Variants in TBC1D5 observed in about 807,000 individuals in gnomAD.
TBC1D5 encodes TBC1 domain family, member 5.
A neutral mutation model predicts 100.3 loss-of-function variants in TBC1D5; 75 were observed. That is an observed-to-expected ratio of 0.75 (90% CI 0.62 to 0.91). The LOEUF (loss-of-function observed/expected upper bound fraction) is 0.91, where lower values mean the gene tolerates loss of function less well. Among genes scored for constraint, TBC1D5 ranks in the 40% least tolerant of loss-of-function variants. The pLI, the probability that TBC1D5 is intolerant of heterozygous loss-of-function variation, is 0.00. For synonymous variants in TBC1D5, 323 were observed against 325.6 expected (o/e 0.99, Z 0.09); for missense variants, 910 against 942.4 (o/e 0.97, Z 0.45).
At chr3:17,556,049 G>T (rs1406585931) in intron 2 of TBC1D5, among the ~76,000 whole-genome samples, 1 of 151,880 alleles carries the variant, frequency 6.6e-6, no homozygotes, top group Non-Finnish European at 1.5e-5. Context: ...TTGAGACAGG[G>T]TCTCGCTCTG....
intron 1 of TBC1D5, among the ~76,000 whole-genome samples, chr3:17,665,428 C>A (rs896589777): frequency 2.0e-5 from 3 of 152,190 alleles, no homozygotes; most frequent in Non-Finnish European, 4.4e-5. Flanking sequence ...TTGTTTGGTA[C>A]CACTTCCAGT....
At position 17,541,066 on chromosome 3, in the gene TBC1D5, T is replaced by A. The variant is rs956795963; in HGVS notation, c.-35-32461A>T. On this transcript the variant is annotated intron_variant, in intron 2 of 21. Transcript: ENST00000253692. ...CACTGTTTTGATTACTGTAGCTTTGTAGTAAGTTTTAAAATCAGAAAATGT... is the reference window on the plus strand; with the variant it reads ...CACTGTTTTGATTACTGTAGCTTTGAAGTAAGTTTTAAAATCAGAAAATGT... 2.0e-5 allele frequency among the ~76,000 whole-genome samples: 3 copies of A among 152,118 alleles called. No homozygotes were observed. In the South Asian group the frequency reaches 6.2e-4, roughly 32 times the overall value.
intron 1 of TBC1D5, among the ~76,000 whole-genome samples, chr3:17,711,475 C>A (rs181375318): frequency 6.6e-6 from 1 of 152,136 alleles, no homozygotes; most frequent in African/African-American, 2.4e-5. Flanking sequence ...CCCCCTCATA[C>A]ATAGATAATC....
chr3:17,544,867 T>C (rs763087794), intron 2 of TBC1D5, among the ~76,000 whole-genome samples: 7 of 152,156 alleles, frequency 4.6e-5, no homozygotes, highest in Non-Finnish European at 1.0e-4. Context: ...TATGTTTAGA[T>C]ACAGTAAACT....
At chr3:17,533,814 G>A (rs1437338736) in intron 2 of TBC1D5, among the ~76,000 whole-genome samples, 3 of 152,062 alleles carry the variant, frequency 2.0e-5, no homozygotes, top group Non-Finnish European at 2.9e-5. Flanking sequence ...AGACAAATCC[G>A]TAGCCCTAGG....
chr3:17,694,759 A>G (rs2071740748), intron 1 of TBC1D5, among the ~76,000 whole-genome samples: 1 of 152,078 alleles, frequency 6.6e-6, no homozygotes, highest in Non-Finnish European at 1.5e-5. Flanking sequence ...CCATAAAGAT[A>G]CTCCTCAAGA....
intron 13 of TBC1D5, among the ~76,000 whole-genome samples, chr3:17,352,250 G>A (rs920205676): frequency 6.6e-6 from 1 of 151,958 alleles, no homozygotes; most frequent in African/African-American, 2.4e-5. Flanking sequence ...TATTCTGACA[G>A]TTTCTAAGCT....
chr3:17,468,061 G>A (rs752050829), intron 3 of TBC1D5, among the ~76,000 whole-genome samples: 1 of 152,178 alleles, frequency 6.6e-6, no homozygotes. Context: ...ATAATGAAGT[G>A]TCAAAATGTA....
At chr3:17,351,343 A>G (rs981153124) in intron 13 of TBC1D5, among the ~76,000 whole-genome samples, 8 of 152,176 alleles carry the variant, frequency 5.3e-5, no homozygotes, top group Admixed American at 2.6e-4. Context: ...ATGCCCTTCA[A>G]TGTTAGACTG....
intron 2 of TBC1D5, among the ~76,000 whole-genome samples, chr3:17,558,486 T>A (rs2153466183): frequency 6.6e-6 from 1 of 152,148 alleles, no homozygotes; most frequent in East Asian, 1.9e-4. Flanking sequence ...GCCAAAAAAA[T>A]AATGAATTTC....
intron 3 of TBC1D5, among the ~76,000 whole-genome samples, chr3:17,490,172 T>C (rs2095620702): frequency 6.6e-6 from 1 of 152,228 alleles, no homozygotes; most frequent in African/African-American, 2.4e-5. Flanking sequence ...TTCATGTCCT[T>C]TCCCCACTGT....
At chr3:17,303,833 CTTTTTTTT>C (rs140988557) in intron 14 of TBC1D5, among the ~76,000 whole-genome samples, 49 of 84,516 alleles carry the variant, frequency 5.8e-4, no homozygotes, top group Non-Finnish European at 7.9e-4. Flanking sequence ...CAATCTACCT[CTTTTTTTT>C]TTTTTTTTTT....
chr3:17,268,034 T>C (rs1040312182), intron 15 of TBC1D5, among the ~76,000 whole-genome samples: 2 of 151,928 alleles, frequency 1.3e-5, no homozygotes, highest in Admixed American at 1.3e-4. Context: ...TAGATTTGAG[T>C]TGTATTTTCC....
At chr3:17,683,570 G>C (rs956201490) in intron 1 of TBC1D5, among the ~76,000 whole-genome samples, 2 of 152,118 alleles carry the variant, frequency 1.3e-5, no homozygotes, top group African/African-American at 2.4e-5. Flanking sequence ...GAAAATACCA[G>C]TACTCTCTAA....
chr3:17,455,257 T>C (rs570544061), intron 3 of TBC1D5, among the ~76,000 whole-genome samples: 1 of 147,056 alleles, frequency 6.8e-6, no homozygotes, highest in South Asian at 2.1e-4. Flanking sequence ...TGTATATATG[T>C]ATACATATAT....
At chr3:17,478,278 A>C (rs1331592773) in intron 3 of TBC1D5, among the ~76,000 whole-genome samples, 2 of 152,164 alleles carry the variant, frequency 1.3e-5, no homozygotes, top group Non-Finnish European at 2.9e-5. Flanking sequence ...TACATATCAT[A>C]AATGTTCATT....
chr3:17,256,103 T>C (rs942703756), intron 16 of TBC1D5, among the ~76,000 whole-genome samples: 2 of 152,156 alleles, frequency 1.3e-5, no homozygotes, highest in Non-Finnish European at 2.9e-5. Context: ...ATTGGTCAGA[T>C]TATTGGTCAG....
At chr3:17,475,179 G>C (rs7615612) in intron 3 of TBC1D5, among the ~76,000 whole-genome samples, 62,240 of 139,344 alleles carry the variant, frequency 0.45, 13,581 homozygotes, top group African/African-American at 0.57. Context: ...ACCTTGCCCC[G>C]CCCCACCCGT....
intron 14 of TBC1D5, among the ~76,000 whole-genome samples, chr3:17,293,003 T>TC (rs1298827644): frequency 6.6e-6 from 1 of 152,206 alleles, no homozygotes; most frequent in Non-Finnish European, 1.5e-5. Flanking sequence ...TGCTATAACT[T>TC]CCTACTTCTC....
Sources: allele counts gnomAD v4.1 joint callset (sites outside exome capture counted in the v4.1 genomes callset), GRCh38; gene constraint gnomAD v4.1.1; transcripts MANE v1.5; gene names NCBI Gene and HGNC (gene_info 2026-07-23, HGNC 2026-07-21).